Variants in ANO2 observed in about 807,000 individuals in gnomAD.
The protein encoded by ANO2 is anoctamin 2.
ANO2 carries 101 observed loss-of-function variants against 124.2 expected under a neutral mutation model. That is an observed-to-expected ratio of 0.81 (90% CI 0.69 to 0.96). The LOEUF (loss-of-function observed/expected upper bound fraction) is 0.96. Ranked by LOEUF, ANO2 falls within the 40% of genes least tolerant of loss-of-function variation. ANO2 has a pLI of 0.00. For missense variants in ANO2, 1,293 were observed against 1,274.5 expected (o/e 1.01, Z -0.22); for synonymous variants, 486 against 482.5 (o/e 1.01, Z -0.09).
At chr12:5,796,400 G>GCACACA (rs538831811) in intron 10 of ANO2, among the ~76,000 whole-genome samples, 39 of 147,624 alleles carry the variant, frequency 2.6e-4, no homozygotes, top group African/African-American at 9.5e-4. Context: ...ATATTCTCTG[G>GCACACA]CACACACACA....
At chr12:5,594,288 G>A (rs577721004) in intron 20 of ANO2, among the ~76,000 whole-genome samples, 2 of 152,246 alleles carry the variant, frequency 1.3e-5, no homozygotes, top group Admixed American at 6.5e-5. Context: ...AATGTTTGAT[G>A]AATGAATTGA....
At chr12:5,811,215 GC>G (rs879692779) in intron 7 of ANO2, among the ~76,000 whole-genome samples, 4 of 152,106 alleles carry the variant, frequency 2.6e-5, no homozygotes, top group Non-Finnish European at 5.9e-5. Context: ...CCAGAAAAGG[GC>G]CCAGTCCACC....
At chr12:5,601,403 C>A (rs1034706564) in intron 19 of ANO2, among the ~76,000 whole-genome samples, 4 of 151,222 alleles carry the variant, frequency 2.6e-5, no homozygotes, top group Non-Finnish European at 5.9e-5. Context: ...TAAAAAATTT[C>A]TAAGAAAAAA....
At chr12:5,783,927 T>C (rs1021112670) in intron 10 of ANO2, among the ~76,000 whole-genome samples, 1 of 152,188 alleles carries the variant, frequency 6.6e-6, no homozygotes, top group African/African-American at 2.4e-5. Flanking sequence ...ACTTTTCCTA[T>C]CCCTCAAACA....
chr12:5,836,184 A>T (rs1454991451), intron 4 of ANO2, among the ~76,000 whole-genome samples: 1 of 152,158 alleles, frequency 6.6e-6, no homozygotes, highest in African/African-American at 2.4e-5. Flanking sequence ...CAGTCTCTCC[A>T]CATTTTCTCT....
chr12:5,678,616 A>G (rs1424831628), intron 14 of ANO2, among the ~76,000 whole-genome samples: 1 of 152,318 alleles, frequency 6.6e-6, no homozygotes, highest in East Asian at 1.9e-4. Context: ...CTTCTGTGCT[A>G]CGTGGAATTA....
chr12:5,925,190 C>G lies in ANO2; in HGVS notation c.23-2386G>C, dbSNP rs1030871713. Among the ~76,000 whole-genome samples, 2 of 152,180 alleles carry G rather than the reference C, an allele frequency of 1.3e-5. No individual in the cohort carries two copies. Among genetic ancestry groups the G allele is most frequent in the Admixed American group, 1.3e-4 (2 of 15,288 alleles). ...TGATGTTCACTCAAGGGCCACCCTA[C>G]CCTGGCAGCTACATTCAGATTTGCA... On this transcript the variant is annotated intron_variant, in intron 1 of 24. Coordinates refer to ENST00000682330, the MANE Select transcript of ANO2 (RefSeq NM_001364791.2). The surrounding 1 kb of genome is among the most constrained non-coding windows in gnomAD (Gnocchi z 4.6).
chr12:5,871,494 T>G (rs1937694118), intron 3 of ANO2, among the ~76,000 whole-genome samples: 1 of 152,102 alleles, frequency 6.6e-6, no homozygotes, highest in South Asian at 2.1e-4. Flanking sequence ...AGGAGGTAAA[T>G]GGCAGGGAAG....
At chr12:5,585,009 A>G (rs1221524368) in intron 20 of ANO2, among the ~76,000 whole-genome samples, 1 of 152,062 alleles carries the variant, frequency 6.6e-6, no homozygotes, top group Non-Finnish European at 1.5e-5. Flanking sequence ...TGCTGTGGGG[A>G]AGATGGACAT....
chr12:5,622,295 G>C (rs917869100), intron 16 of ANO2, among the ~76,000 whole-genome samples: 1 of 152,190 alleles, frequency 6.6e-6, no homozygotes, highest in African/African-American at 2.4e-5. Flanking sequence ...CTGGAAATGA[G>C]TGATTCCCTT....
intron 14 of ANO2, among the ~76,000 whole-genome samples, chr12:5,657,715 C>T (rs1190597983): frequency 6.6e-6 from 1 of 152,098 alleles, no homozygotes; most frequent in African/African-American, 2.4e-5. Context: ...TATGAGCCAG[C>T]CCACTGTGTG....
In ANO2 at chr12:5,713,544, A is replaced by T. The variant is rs1949895817; in HGVS notation, c.1545+18976T>A. 1.3e-5 allele frequency among the ~76,000 whole-genome samples: 2 copies of T among 152,126 alleles called. 1 individual carries two copies. The highest frequency in any genetic ancestry group is 1.3e-4 in the Admixed American group (2 of 15,278). On this transcript the variant is annotated intron_variant, in intron 14 of 24. Transcript: ENST00000682330. ...AATCCCCCCTACCCTGGGTGCCAAC[A>T]TTGTCATCGGCATTGTGACAACACA...
At chr12:5,694,673 G>A (rs550719109) in intron 14 of ANO2, among the ~76,000 whole-genome samples, 1 of 152,278 alleles carries the variant, frequency 6.6e-6, no homozygotes, top group Admixed American at 6.5e-5. Flanking sequence ...TTTGCCCCTG[G>A]AAAGAATTTA....
intron 14 of ANO2, among the ~76,000 whole-genome samples, chr12:5,699,005 T>G (rs1452383037): frequency 6.6e-6 from 1 of 152,200 alleles, no homozygotes; most frequent in Non-Finnish European, 1.5e-5. Flanking sequence ...GGAACCAAGC[T>G]GGAAAACACT....
At chr12:5,680,190 C>A (rs1948431386) in intron 14 of ANO2, among the ~76,000 whole-genome samples, 1 of 152,104 alleles carries the variant, frequency 6.6e-6, no homozygotes, top group Non-Finnish European at 1.5e-5. Context: ...GGATGCTGGG[C>A]TTCATTCCTA....
intron 14 of ANO2, among the ~76,000 whole-genome samples, chr12:5,681,474 C>G (rs1343575937): frequency 1.3e-5 from 2 of 152,180 alleles, no homozygotes; most frequent in Non-Finnish European, 2.9e-5. Flanking sequence ...TCCCAGGAGA[C>G]AAGGTCCTTA....
chr12:5,913,890 G>C (rs1408879248), intron 3 of ANO2, among the ~76,000 whole-genome samples: 1 of 152,240 alleles, frequency 6.6e-6, no homozygotes, highest in Non-Finnish European at 1.5e-5. Context: ...TCCTGAAAAG[G>C]AGGTGGAAAG....
At chr12:5,612,572 G>T in intron 19 of ANO2, 84 bp downstream of exon 19, 1 of 1,096,454 alleles carries the variant, frequency 9.1e-7, no homozygotes, top group Non-Finnish European at 1.4e-6. Context: ...AAGAGGAAAG[G>T]CCATAGAAAA....
Position 5,849,581 on chromosome 12 carries a change from G to C in ANO2, c.633+4462C>G, listed in dbSNP as rs182785227. Among the ~76,000 whole-genome samples the C allele has an allele frequency of 3.9e-5, 6 of 152,290 alleles. No homozygotes were observed. The East Asian group carries it at 1.2e-3, about 29-fold the overall frequency. On this transcript the variant is annotated intron_variant, in intron 4 of 24. Transcript: ENST00000682330. ...TCCCTCACAAAATGCTGGCTCTTCTGTTGTTGTTTTTGGAAAACAAATGCT... is the reference window on the plus strand; with the variant it reads ...TCCCTCACAAAATGCTGGCTCTTCTCTTGTTGTTTTTGGAAAACAAATGCT...
Sources: gnomAD v4.1 joint callset for allele counts (sites outside exome capture counted in the v4.1 genomes callset) on GRCh38, gnomAD v4.1.1 for gene constraint, Gnocchi (gnomAD v3.1) non-coding constraint, MANE v1.5 for transcripts, NCBI Gene and HGNC (gene_info 2026-07-23, HGNC 2026-07-21) for gene names.